The following NUP88 variants were observed in gnomAD, a reference collection of about 807,000 sequenced individuals.
NUP88 encodes the protein nucleoporin 88.
NUP88 carries 57 observed loss-of-function variants against 93.9 expected under a neutral mutation model. The ratio of observed to expected loss-of-function variants is 0.61; its 90% confidence interval spans 0.49 to 0.76. The LOEUF (loss-of-function observed/expected upper bound fraction) is 0.76, where lower values mean the gene tolerates loss of function less well. NUP88 is among the 30% of genes least tolerant of loss of function. NUP88 has a pLI of 0.00. For missense variants in NUP88, 911 were observed against 901.0 expected, an observed-to-expected ratio of 1.01 and a Z score of -0.14; for synonymous variants, 346 against 336.8, an observed-to-expected ratio of 1.03 and a Z score of -0.30.
At position 5,385,862 on chromosome 17, in the gene NUP88, C is replaced by T; in HGVS notation, c.*344G>A. 2 of 277,970 alleles carry T rather than the reference C, an allele frequency of 7.2e-6. No individual in the cohort carries two copies. The highest frequency in any genetic ancestry group is 5.2e-5 in the Admixed American group (1 of 19,372). The allele number at this position is 277,970 out of a possible 1,614,324, so 17.2% of individuals were successfully genotyped here. ...CTAGGGTTCTATCCCTCTTCAGAGTCATGTTTCTGGTGCTGCTACTTTAAA... is the reference window on the plus strand; with the variant it reads ...CTAGGGTTCTATCCCTCTTCAGAGTTATGTTTCTGGTGCTGCTACTTTAAA... On this transcript the variant is annotated 3_prime_UTR_variant, in exon 17 of 17. Coordinates refer to ENST00000573584, the MANE Select transcript of NUP88 (RefSeq NM_002532.6).
At chr17:5,387,351 T>C in intron 14 of NUP88, 35 bp downstream of exon 14, 1 of 1,556,388 alleles carries the variant, frequency 6.4e-7, no homozygotes, top group Non-Finnish European at 8.9e-7. Context: ...TGTTAGTACC[T>C]GACTAGGTAA....
In NUP88 at chr17:5,386,746, G is replaced by A; in HGVS notation, c.2124C>T (p.Ala708=). ...TGGACTGAATGCACTTTCGCTGGTA[G>A]GCACTGAGAATAATGGTGGGTTTTG... ...SLPKPTIILS[A]YQRKCIQSIL... is the part of the protein sequence containing the mutation. Residue 708 remains alanine (A), a synonymous_variant, in exon 16 of 17, where the codon GCC becomes GCT. Transcript: ENST00000573584. 1 of 1,613,596 alleles carries A rather than the reference G, an allele frequency of 6.2e-7. No individual in the cohort carries two copies. Among genetic ancestry groups the A allele is most frequent in the African/African-American group, 1.3e-5 (1 of 75,016 alleles).
At chr17:5,415,733 C>G (rs28619210) in intron 2 of NUP88, among the ~76,000 whole-genome samples, 66,425 of 152,034 alleles carry the variant, frequency 0.44, 15,283 homozygotes, top group East Asian at 0.84. Context: ...AGCAATAAAT[C>G]CATTTTCAAC....
chr17:5,393,230 C>T (rs11078560), intron 9 of NUP88, among the ~76,000 whole-genome samples: 66,266 of 151,414 alleles, frequency 0.44, 15,235 homozygotes, highest in East Asian at 0.84. Context: ...GCTGGGATTA[C>T]AGGCGTGAGC....
intron 6 of NUP88, among the ~76,000 whole-genome samples, chr17:5,404,697 CT>C (rs1913390179): frequency 1.3e-5 from 2 of 152,176 alleles, no homozygotes; most frequent in African/African-American, 4.8e-5. Context: ...AATTCCACCT[CT>C]ATCCTAACAG....
Position 5,413,993 on chromosome 17 carries a change from G to C in NUP88, c.593+16C>G, listed in dbSNP as rs774065231. On this transcript the variant is annotated intron_variant, in intron 3 of 16. Coordinates refer to ENST00000573584, the MANE Select transcript of NUP88 (RefSeq NM_002532.6). ...TTCCCACTCGCAAGGCTTCAAGAGA[G>C]AGAAATAAAATTTACCTGATTACGT... 2 of 1,612,500 alleles carry C rather than the reference G, an allele frequency of 1.2e-6. No individual in the cohort carries two copies. Among genetic ancestry groups the C allele is most frequent in the African/African-American group, 1.3e-5 (1 of 74,986 alleles).
intron 2 of NUP88, among the ~76,000 whole-genome samples, chr17:5,416,161 A>T (rs1252674729): frequency 0.012 from 1,433 of 122,078 alleles, 14 homozygotes; most frequent in Non-Finnish European, 0.017. Context: ...AAAAAAAAAA[A>T]AAAAAGTATA....
At chr17:5,410,648 T>C (rs1196854777) in intron 4 of NUP88, 55 bp downstream of exon 4, 17 of 1,106,404 alleles carry the variant, frequency 1.5e-5, no homozygotes, top group Non-Finnish European at 1.9e-5. Context: ...AAATTGCATT[T>C]ATAATCCCAA....
Position 5,408,848 on chromosome 17 carries a change from C to A in NUP88, c.742G>T (p.Ala248Ser), listed in dbSNP as rs140349154. 1 of 1,613,766 alleles carries A rather than the reference C, an allele frequency of 6.2e-7. No homozygotes were observed. Among genetic ancestry groups the A allele is most frequent in the Non-Finnish European group, 8.5e-7 (1 of 1,179,834 alleles). The change falls in exon 5 of 17, where the codon GCA (alanine) becomes TCA (serine). Residue 248 changes from alanine (A) to serine (S), a missense_variant. By Grantham distance (99) the Ala-to-Ser change is moderately conservative (BLOSUM62 1). Coordinates refer to ENST00000573584, the MANE Select transcript of NUP88 (RefSeq NM_002532.6). ...AVAFDFGPLAAVPKTLFGQNG... is the reference protein window; with the variant it reads ...AVAFDFGPLASVPKTLFGQNG... The stretch of plus-strand genomic sequence containing the variant: ...TGTCCAAATAGAGTCTTTGGGACTG[C>A]TGCCAATGGCCCAAAGTCAAATGCA...
At chr17:5,409,481 C>A (rs1386652565) in intron 4 of NUP88, among the ~76,000 whole-genome samples, 3 of 151,122 alleles carry the variant, frequency 2.0e-5, no homozygotes, top group African/African-American at 7.3e-5. Context: ...CACAGATATA[C>A]AAATAGCAAA....
chr17:5,388,935 G>A lies in NUP88; in HGVS notation c.1510C>T (p.Pro504Ser), dbSNP rs767864487. 24 of 1,612,616 alleles carry A rather than the reference G, an allele frequency of 1.5e-5. No homozygotes were observed. In the Admixed American group the frequency reaches 3.7e-4, roughly 25 times the overall value. ...ACATCTTCTCGAGTACAAAGCAGGG[G>A]AGGAGACGCTGGATGGACTGTACTT... is the stretch of plus-strand genomic sequence containing the variant. ...LLSTVHPASP[P>S]LLCTREDVEV... The change falls in exon 11 of 17, where the codon CCC becomes TCC. Residue 504 changes from proline to serine, a missense_variant. Coordinates refer to ENST00000573584, the MANE Select transcript of NUP88 (RefSeq NM_002532.6).
chr17:5,388,981 T>C (rs369514616), intron 10 of NUP88, 21 bp from the exon 11 acceptor site: 72 of 1,579,922 alleles, frequency 4.6e-5, no homozygotes, highest in Non-Finnish European at 4.3e-5. Flanking sequence ...AGTAAGTAAA[T>C]TGAATTCTAC....
intron 7 of NUP88, among the ~76,000 whole-genome samples, chr17:5,400,901 A>G (rs886170229): frequency 6.6e-6 from 1 of 152,226 alleles, no homozygotes; most frequent in African/African-American, 2.4e-5. Flanking sequence ...ACAATCATTT[A>G]TAACTAAGAA....
chr17:5,418,271 T>A (rs1483480744), intron 1 of NUP88: 1 of 152,226 alleles, frequency 6.6e-6, no homozygotes, highest in African/African-American at 2.4e-5. Flanking sequence ...TATTATTTTT[T>A]GAGACACAGT....
intron 8 of NUP88, among the ~76,000 whole-genome samples, chr17:5,397,004 G>A (rs1912817030): frequency 6.6e-6 from 1 of 152,008 alleles, no homozygotes; most frequent in African/African-American, 2.4e-5. Flanking sequence ...CATTTTGTGG[G>A]CTGTTTTCCC....
At chr17:5,416,178 T>TATACACAC (rs1555530298) in intron 2 of NUP88, among the ~76,000 whole-genome samples, 7 of 73,604 alleles carry the variant, frequency 9.5e-5, no homozygotes, top group Non-Finnish European at 1.7e-4. Context: ...TATATATATA[T>TATACACAC]ATACACACAT....
At chr17:5,405,703 T>G (rs1274341476) in intron 5 of NUP88, among the ~76,000 whole-genome samples, 1 of 152,224 alleles carries the variant, frequency 6.6e-6, no homozygotes, top group African/African-American at 2.4e-5. Flanking sequence ...CCTGTGAGAT[T>G]TGCTAAATCC....
At chr17:5,399,524 TA>T in intron 8 of NUP88, 27 bp downstream of exon 8, 1 of 1,142,726 alleles carries the variant, frequency 8.8e-7, no homozygotes, top group African/African-American at 1.5e-5. Flanking sequence ...TGAAATCTAT[TA>T]AAAGTGCAGA....
chr17:5,396,223 G>T lies in NUP88; in HGVS notation c.1292-1242C>A, dbSNP rs981551795. On this transcript the variant is annotated intron_variant, in intron 8 of 16. Transcript: ENST00000573584. The stretch of plus-strand genomic sequence containing the variant: ...TGAAACTCCGTCTAAAAAAAAAATT[G>T]TATACCTATCATTAACAATTTGGAA... Among the ~76,000 whole-genome samples the T allele has an allele frequency of 7.9e-5, 12 of 152,034 alleles. No homozygotes were observed. In the East Asian group the frequency reaches 2.3e-3, roughly 30 times the overall value.
Sources: gnomAD v4.1 joint callset for allele counts (sites outside exome capture counted in the v4.1 genomes callset) on GRCh38, gnomAD v4.1.1 for gene constraint, MANE v1.5 for transcripts, NCBI Gene and HGNC (gene_info 2026-07-23, HGNC 2026-07-21) for gene names.